DRC10: variants seen among roughly 807,000 people sequenced by gnomAD.
DRC10 encodes the protein IQ domain-containing protein D.
the DRC10 span, among the ~76,000 whole-genome samples, chr12:113,197,943 G>A: frequency 1.3e-5 from 2 of 152,348 alleles, no homozygotes; most frequent in East Asian, 1.9e-4. Context: ...TCAGCCTGGC[G>A]TGGTGGCTTA....
chr12:113,208,293 G>A, the DRC10 span: 1 of 1,449,816 alleles, frequency 6.9e-7, no homozygotes, highest in Non-Finnish European at 9.0e-7. Flanking sequence ...GAGTGCAGCT[G>A]TGCTGACATC....
chr12:113,200,687 C>G, the DRC10 span: 9 of 1,536,198 alleles, frequency 5.9e-6, no homozygotes, highest in Non-Finnish European at 7.8e-6. Flanking sequence ...GCCTGTGATG[C>G]CCGGAAATCG....
the DRC10 span, chr12:113,195,888 T>A: frequency 6.2e-7 from 1 of 1,600,658 alleles, no homozygotes; most frequent in Non-Finnish European, 8.5e-7. Context: ...CTCCAACTCC[T>A]CCTGGGGTGA....
chr12:113,204,454 G>A, the DRC10 span, among the ~76,000 whole-genome samples: 1 of 152,242 alleles, frequency 6.6e-6, no homozygotes, highest in South Asian at 2.1e-4. Context: ...TGGCCCACAG[G>A]CCGAATCCAG....
chr12:113,214,625 G>A, the DRC10 span, among the ~76,000 whole-genome samples: 1 of 152,040 alleles, frequency 6.6e-6, no homozygotes, highest in Admixed American at 6.5e-5. Flanking sequence ...GGGAGATGCT[G>A]GCATAATAGG....
the DRC10 span, chr12:113,200,520 T>TGCCC: frequency 1.0e-6 from 1 of 991,436 alleles, no homozygotes; most frequent in Non-Finnish European, 1.5e-6. Flanking sequence ...GATGGAACAG[T>TGCCC]CCCACCCATC....
the DRC10 span, chr12:113,195,516 G>A: frequency 6.7e-6 from 10 of 1,503,134 alleles, no homozygotes; most frequent in East Asian, 4.6e-5. Context: ...TCTCCATCTC[G>A]GGCCTTCCTG....
At chr12:113,221,094 T>C in the DRC10 span, 1 of 448,994 alleles carries the variant, frequency 2.2e-6, no homozygotes, top group Non-Finnish European at 4.5e-6. Flanking sequence ...ACTCGGTGTC[T>C]GACTGACCTT....
the DRC10 span, chr12:113,207,529 T>C: frequency 6.8e-6 from 11 of 1,613,978 alleles, no homozygotes; most frequent in Non-Finnish European, 9.3e-6. Flanking sequence ...ACTGATATCC[T>C]GTAAGAACTG....
chr12:113,202,875 A>G, the DRC10 span: 1 of 298,196 alleles, frequency 3.4e-6, no homozygotes, highest in African/African-American at 2.2e-5. Context: ...AGCCACAGCT[A>G]TTTTGGGTGT....
chr12:113,207,740 G>A, the DRC10 span: 1 of 1,614,166 alleles, frequency 6.2e-7, no homozygotes, highest in Non-Finnish European at 8.5e-7. Context: ...TGCATAAGTG[G>A]TGAGAGGCTG....
the DRC10 span, among the ~76,000 whole-genome samples, chr12:113,204,112 A>G: frequency 1.3e-5 from 2 of 152,170 alleles, no homozygotes; most frequent in Non-Finnish European, 2.9e-5. Context: ...GTGGTGGCGC[A>G]TGCCTGTAGT....
the DRC10 span, chr12:113,195,835 C>T: frequency 2.5e-6 from 4 of 1,613,758 alleles, no homozygotes; most frequent in Non-Finnish European, 3.4e-6. Flanking sequence ...CGCCTGAGCT[C>T]CTCCAGCGAG....
At chr12:113,221,039 G>A in the DRC10 span, 1 of 400,332 alleles carries the variant, frequency 2.5e-6, no homozygotes, top group Non-Finnish European at 5.1e-6. Context: ...AGTTACCGCC[G>A]CGGTCCCTGC....
the DRC10 span, chr12:113,195,593 C>T: frequency 1.2e-6 from 2 of 1,600,508 alleles, no homozygotes; most frequent in South Asian, 1.1e-5. Flanking sequence ...TGCCCTTGCC[C>T]TTCTCCTTGC....
chr12:113,205,432 C>T, the DRC10 span, among the ~76,000 whole-genome samples: 1 of 151,914 alleles, frequency 6.6e-6, no homozygotes, highest in African/African-American at 2.4e-5. Context: ...ACTCGGGAGG[C>T]TGAGCCAGAA....
the DRC10 span, among the ~76,000 whole-genome samples, chr12:113,206,831 G>A: frequency 6.6e-5 from 10 of 151,722 alleles, no homozygotes; most frequent in East Asian, 1.9e-4. Context: ...AGGCCAAGGC[G>A]GAAGGATCTC....
At chr12:113,218,303 AT>A in the DRC10 span, among the ~76,000 whole-genome samples, 15,580 of 147,326 alleles carry the variant, frequency 0.11, 905 homozygotes, top group East Asian at 0.21. Flanking sequence ...CGCGCAGCTA[AT>A]TTTTTTTTTT....
the DRC10 span, among the ~76,000 whole-genome samples, chr12:113,214,391 A>G: frequency 1.4e-4 from 22 of 151,964 alleles, no homozygotes; most frequent in Middle Eastern, 3.4e-3. Flanking sequence ...CTGTAATCCC[A>G]ACTACTTGGG....
Sources: allele counts gnomAD v4.1 joint callset (sites outside exome capture counted in the v4.1 genomes callset), GRCh38; gene constraint gnomAD v4.1.1; transcripts MANE v1.5; gene names NCBI Gene and HGNC (gene_info 2026-07-23, HGNC 2026-07-21).